Variants in HSCB observed in about 807,000 individuals in gnomAD.
HSCB encodes the protein HscB mitochondrial iron-sulfur cluster cochaperone.
In HSCB, 23 loss-of-function variants were observed where a neutral mutation model predicts 31.3. That is an observed-to-expected ratio of 0.74 (90% CI 0.53 to 1.04). The LOEUF (loss-of-function observed/expected upper bound fraction) is 1.04. Ranked by LOEUF, HSCB falls within the 50% of genes least tolerant of loss-of-function variation. HSCB has a pLI of 0.00. For missense variants in HSCB, 297 were observed against 288.1 expected, an observed-to-expected ratio of 1.03 and a Z score of -0.22; for synonymous variants, 110 against 104.5, an observed-to-expected ratio of 1.05 and a Z score of -0.32.
Position 28,742,181 on chromosome 22 carries a change from A to C in HSCB, c.86A>C (p.Asp29Ala). ...CCCAGAAGGAGACCGCTAAGCTGCG[A>C]TGCTGCGTCGCAGGCGGGAAGCAAT... ...GVPRRRPLSC[D>A]AASQAGSNYP... Residue 29 changes from aspartate (D) to alanine (A), a missense_variant, in exon 1 of 6, where the codon GAT (aspartate) becomes GCT (alanine). Asp to Ala is a moderately radical substitution (Grantham distance 126). Transcript: ENST00000216027. 1 of 1,613,942 alleles carries C rather than the reference A, an allele frequency of 6.2e-7. No homozygotes were observed. The highest frequency in any genetic ancestry group is 8.5e-7 in the Non-Finnish European group (1 of 1,179,976).
At position 28,745,884 on chromosome 22, in the gene HSCB, G is replaced by C; in HGVS notation, c.444G>C (p.Glu148Asp). 1 of 1,611,864 alleles carries C rather than the reference G, an allele frequency of 6.2e-7. No individual in the cohort carries two copies. The highest frequency in any genetic ancestry group is 8.5e-7 in the Non-Finnish European group (1 of 1,179,260). The change falls in exon 4 of 6, where the codon GAG (glutamate) becomes GAC (aspartate). Residue 148 changes from glutamate (E) to aspartate (D), a missense_variant. Physicochemically the swap from Glu to Asp is conservative, Grantham distance 45. Transcript: ENST00000216027. Reference protein sequence around the residue: ...GLYLLKLHGIEIPERTDYEMD... With the variant: ...GLYLLKLHGIDIPERTDYEMD... ...AATAGCTAAAGCTCCATGGAATAGA[G>C]ATTCCTGAAAGGACAGATTATGAAA...
Position 28,751,304 on chromosome 22 carries a change from C to T in HSCB, c.616+16C>T. ...TTTGAACAAGGTACTTTCTTTTCTT[C>T]ACTTTCTTAAATATGGAAAGAAATT... On this transcript the variant is annotated intron_variant, in intron 5 of 5. Transcript: ENST00000216027. The T allele has an allele frequency of 1.9e-6, 3 of 1,539,800 alleles. No individual in the cohort carries two copies. Among genetic ancestry groups the T allele is most frequent in the Non-Finnish European group, 2.7e-6 (3 of 1,121,180 alleles).
At chr22:28,751,353 C>G in intron 5 of HSCB, 65 bp downstream of exon 5, 1 of 890,802 alleles carries the variant, frequency 1.1e-6, no homozygotes, top group Non-Finnish European at 1.8e-6. Flanking sequence ...CATAGCCATT[C>G]ATTCAATAAC....
At chr22:28,750,062 C>G (rs1208792072) in intron 4 of HSCB, among the ~76,000 whole-genome samples, 1 of 151,670 alleles carries the variant, frequency 6.6e-6, no homozygotes, top group African/African-American at 2.4e-5. Context: ...CCACCCTGAC[C>G]AACATGGCAA....
chr22:28,752,951 C>T lies in HSCB; in HGVS notation c.616+1663C>T, dbSNP rs534443829. The stretch of plus-strand genomic sequence containing the variant: ...AAAAGTAGCCAGGCATGGTGGCGCT[C>T]GCCTGTAATCCCAGCTACTCCGAAG... On this transcript the variant is annotated intron_variant, in intron 5 of 5. Transcript: ENST00000216027. 3.3e-5 allele frequency among the ~76,000 whole-genome samples: 5 copies of T among 151,574 alleles called. No individual in the cohort carries two copies. In the South Asian group the frequency reaches 8.4e-4, roughly 25 times the overall value.
At chr22:28,749,619 T>C (rs1192787171) in intron 4 of HSCB, among the ~76,000 whole-genome samples, 1 of 152,200 alleles carries the variant, frequency 6.6e-6, no homozygotes, top group Non-Finnish European at 1.5e-5. Flanking sequence ...AACTTGGTAT[T>C]TACTAAATGA....
chr22:28,751,433 T>C, intron 5 of HSCB, 145 bp downstream of exon 5: 4 of 528,958 alleles, frequency 7.6e-6, no homozygotes, highest in Non-Finnish European at 6.7e-6. Flanking sequence ...TACATTTCTG[T>C]CTTTAAAAAA....
intron 5 of HSCB, among the ~76,000 whole-genome samples, chr22:28,754,226 AAATACTATATAATTCC>A (rs2030451214): frequency 6.6e-6 from 1 of 152,232 alleles, no homozygotes; most frequent in Non-Finnish European, 1.5e-5. Context: ...ACAAAAGGAC[AAATACTATATAATTCC>A]ACTTATATGA....
chr22:28,757,287 C>A lies in HSCB; in HGVS notation c.*118C>A. 1.8e-6 allele frequency: 1 copy of A among 550,732 alleles called. No homozygotes were observed. Among genetic ancestry groups the A allele is most frequent in the Non-Finnish European group, 3.4e-6 (1 of 295,344 alleles). 34.1% of individuals were successfully genotyped at this position (550,732 alleles called of 1,614,324 possible). On this transcript the variant is annotated 3_prime_UTR_variant, in exon 6 of 6. Coordinates refer to ENST00000216027, the MANE Select transcript of HSCB (RefSeq NM_172002.5). ...GGATGACAAGGTCAGGAGTTCAAGA[C>A]CAGCTTGGCCAACATAGTGAAACCC...
intron 4 of HSCB, among the ~76,000 whole-genome samples, chr22:28,746,238 G>A (rs1395066483): frequency 1.3e-5 from 2 of 151,840 alleles, no homozygotes; most frequent in African/African-American, 2.4e-5. Context: ...AAAATTAGCC[G>A]GGCGTGGTGG....
chr22:28,750,126 A>G (rs1381123538), intron 4 of HSCB, among the ~76,000 whole-genome samples: 1 of 151,736 alleles, frequency 6.6e-6, no homozygotes, highest in African/African-American at 2.4e-5. Context: ...GCACACACCT[A>G]TAATCCCAGC....
At chr22:28,744,005 C>A in intron 2 of HSCB, 27 bp downstream of exon 2, 1 of 1,500,496 alleles carries the variant, frequency 6.7e-7, no homozygotes, top group Non-Finnish European at 9.3e-7. Context: ...CCCCAATAAT[C>A]CCCAAATATG....
At chr22:28,745,805 T>C (rs567494058) in intron 3 of HSCB, 59 bp from the exon 4 acceptor site, 4 of 1,434,330 alleles carry the variant, frequency 2.8e-6, no homozygotes, top group South Asian at 1.3e-5. Context: ...ATGAGTAGGA[T>C]TTACATTACT....
chr22:28,754,845 G>A (rs995084475), intron 5 of HSCB, among the ~76,000 whole-genome samples: 1 of 150,408 alleles, frequency 6.6e-6, no homozygotes, highest in Non-Finnish European at 1.5e-5. Context: ...GCCCAGGCTA[G>A]AGTACTGTGG....
chr22:28,752,747 A>AT (rs1321711608), intron 5 of HSCB, among the ~76,000 whole-genome samples: 1 of 151,638 alleles, frequency 6.6e-6, no homozygotes, highest in Non-Finnish European at 1.5e-5. Flanking sequence ...AAAAAAAAAA[A>AT]ATTTGTTGAC....
chr22:28,751,215 A>AG (rs1569187339), intron 4 of HSCB, 26 bp from the exon 5 acceptor site: 2 of 1,510,178 alleles, frequency 1.3e-6, no homozygotes, highest in South Asian at 2.3e-5. Context: ...CAATGGAAAA[A>AG]TTAACAGAAT....
intron 4 of HSCB, among the ~76,000 whole-genome samples, chr22:28,750,521 C>T (rs1212134325): frequency 6.6e-6 from 1 of 152,120 alleles, no homozygotes; most frequent in Non-Finnish European, 1.5e-5. Context: ...GACTGGGAGT[C>T]AAGTGACTTG....
At chr22:28,744,176 C>G (rs1398529450) in intron 2 of HSCB, among the ~76,000 whole-genome samples, 198 bp downstream of exon 2, 3 of 152,220 alleles carry the variant, frequency 2.0e-5, no homozygotes, top group African/African-American at 4.8e-5. Flanking sequence ...AACTTAAAAC[C>G]TATCAGCTGA....
chr22:28,751,949 G>C (rs2030286234), intron 5 of HSCB, among the ~76,000 whole-genome samples: 1 of 151,360 alleles, frequency 6.6e-6, no homozygotes, highest in Non-Finnish European at 1.5e-5. Flanking sequence ...AATTAACTGA[G>C]TGTGGTGGCA....
Sources: gnomAD v4.1 joint callset for allele counts (sites outside exome capture counted in the v4.1 genomes callset) on GRCh38, gnomAD v4.1.1 for gene constraint, MANE v1.5 for transcripts, NCBI Gene and HGNC (gene_info 2026-07-23, HGNC 2026-07-21) for gene names.